Variants in ULK4 observed in about 807,000 individuals in gnomAD.
ULK4 encodes the protein inactive serine/threonine-protein kinase ULK4.
Under a neutral mutation model 160.6 loss-of-function variants are expected in ULK4, and 133 were observed. That is an observed-to-expected ratio of 0.83 (90% CI 0.72 to 0.96). The LOEUF (loss-of-function observed/expected upper bound fraction) is 0.96. Among genes scored for constraint, ULK4 ranks in the 40% least tolerant of loss-of-function variants. The probability of loss-of-function intolerance (pLI) is 0.00; values close to 1 mark genes in which losing one functional copy is unlikely to be tolerated. For missense variants in ULK4, 1,580 were observed against 1,499.5 expected, an observed-to-expected ratio of 1.05 and a Z score of -0.89; for synonymous variants, 534 against 539.8, an observed-to-expected ratio of 0.99 and a Z score of 0.15.
chr3:41,316,892 G>C (rs115286507), intron 35 of ULK4, among the ~76,000 whole-genome samples: 3,322 of 152,126 alleles, frequency 0.022, 84 homozygotes, highest in African/African-American at 0.068. Context: ...TCTTTATTAA[G>C]TAAATGAGTT....
intron 35 of ULK4, among the ~76,000 whole-genome samples, chr3:41,392,731 T>G (rs1201009073): frequency 6.6e-6 from 1 of 152,108 alleles, no homozygotes; most frequent in African/African-American, 2.4e-5. Flanking sequence ...TTAATGAATA[T>G]CCTCTGATTA....
intron 20 of ULK4, among the ~76,000 whole-genome samples, chr3:41,790,525 A>T (rs756602789): frequency 3.2e-4 from 49 of 152,234 alleles, no homozygotes; most frequent in Non-Finnish European, 6.6e-4. Flanking sequence ...AAGGAAGAAA[A>T]AGTCAACAAA....
At chr3:41,662,989 G>A (rs1300577915) in intron 30 of ULK4, among the ~76,000 whole-genome samples, 4 of 152,086 alleles carry the variant, frequency 2.6e-5, no homozygotes, top group African/African-American at 9.7e-5. Flanking sequence ...GGGAGGCCGA[G>A]GTGGGTGGAT....
At chr3:41,836,762 C>A (rs573528909) in intron 17 of ULK4, among the ~76,000 whole-genome samples, 1 of 152,112 alleles carries the variant, frequency 6.6e-6, no homozygotes, top group African/African-American at 2.4e-5. Context: ...ATATAATGTA[C>A]GCTGAAACTC....
chr3:41,504,513 AT>A (rs1345885194), intron 32 of ULK4, among the ~76,000 whole-genome samples: 1 of 152,156 alleles, frequency 6.6e-6, no homozygotes, highest in Non-Finnish European at 1.5e-5. Flanking sequence ...TTTGAATTTC[AT>A]TTTCCATCAA....
intron 27 of ULK4, among the ~76,000 whole-genome samples, chr3:41,701,617 A>G (rs970161001): frequency 1.3e-5 from 2 of 152,228 alleles, no homozygotes; most frequent in Admixed American, 1.3e-4. Flanking sequence ...CAGGAATGAA[A>G]ACTAAAAAAA....
At chr3:41,941,679 C>T (rs922906128) in intron 2 of ULK4, among the ~76,000 whole-genome samples, 1 of 133,964 alleles carries the variant, frequency 7.5e-6, no homozygotes, top group Non-Finnish European at 1.6e-5. Flanking sequence ...ATCCATTGAG[C>T]CCGGGAAGTC....
intron 35 of ULK4, among the ~76,000 whole-genome samples, chr3:41,330,110 C>G (rs1411589286): frequency 6.6e-6 from 1 of 152,176 alleles, no homozygotes; most frequent in Non-Finnish European, 1.5e-5. Context: ...GCTTTCTGCA[C>G]TCAGTGGACT....
chr3:41,540,508 G>C (rs538154464), intron 32 of ULK4, among the ~76,000 whole-genome samples: 1 of 152,324 alleles, frequency 6.6e-6, no homozygotes, highest in East Asian at 1.9e-4. Flanking sequence ...ACGTGTGCAT[G>C]TGTCTTTATA....
intron 34 of ULK4, among the ~76,000 whole-genome samples, chr3:41,431,714 A>C (rs2082914052): frequency 6.6e-6 from 1 of 151,236 alleles, no homozygotes; most frequent in African/African-American, 2.4e-5. Context: ...CCTCATATCG[A>C]ATGTCAAATT....
At chr3:41,446,771 A>C (rs1041447496) in intron 34 of ULK4, among the ~76,000 whole-genome samples, 2 of 151,586 alleles carry the variant, frequency 1.3e-5, no homozygotes, top group African/African-American at 2.4e-5. Flanking sequence ...AGATATACCT[A>C]ATGTTAAATG....
chr3:41,645,214 T>C (rs1340557691), intron 30 of ULK4, among the ~76,000 whole-genome samples: 1 of 152,076 alleles, frequency 6.6e-6, no homozygotes, highest in African/African-American at 2.4e-5. Flanking sequence ...CTGATTTTAG[T>C]TATTTCTTGC....
intron 5 of ULK4, among the ~76,000 whole-genome samples, chr3:41,924,556 T>C (rs987877377): frequency 1.5e-4 from 23 of 152,208 alleles, no homozygotes; most frequent in African/African-American, 5.3e-4. Context: ...TATGCATTTA[T>C]ACTGAAATAT....
intron 30 of ULK4, among the ~76,000 whole-genome samples, chr3:41,652,606 C>T (rs942740535): frequency 2.0e-5 from 3 of 152,100 alleles, no homozygotes; most frequent in African/African-American, 7.2e-5. Flanking sequence ...ACTCAAACTA[C>T]GAATCAAATA....
intron 35 of ULK4, among the ~76,000 whole-genome samples, chr3:41,261,311 T>C (rs963848584): frequency 1.3e-5 from 2 of 152,148 alleles, no homozygotes; most frequent in African/African-American, 2.4e-5. Flanking sequence ...TTTTGACAAC[T>C]TGAAAAACAA....
chr3:41,798,528 G>A (rs893189237), intron 20 of ULK4, among the ~76,000 whole-genome samples: 2 of 151,894 alleles, frequency 1.3e-5, no homozygotes, highest in African/African-American at 4.8e-5. Context: ...GATTATATAG[G>A]TAACATAACT....
intron 30 of ULK4, among the ~76,000 whole-genome samples, chr3:41,618,215 G>A (rs1302729914): frequency 1.3e-5 from 2 of 152,180 alleles, no homozygotes; most frequent in African/African-American, 2.4e-5. Flanking sequence ...ATATTATCCA[G>A]GAGAACTTCC....
intron 19 of ULK4, among the ~76,000 whole-genome samples, chr3:41,814,104 G>C (rs780357686): frequency 9.2e-5 from 14 of 152,222 alleles, no homozygotes; most frequent in Non-Finnish European, 1.9e-4. Context: ...CTGTCCTCCT[G>C]TGGCAGGTCT....
intron 27 of ULK4, among the ~76,000 whole-genome samples, chr3:41,691,746 A>G (rs887491650): frequency 6.6e-6 from 1 of 151,884 alleles, no homozygotes; most frequent in Non-Finnish European, 1.5e-5. Flanking sequence ...TACTACACTT[A>G]TTGATTAATC....
Sources: gnomAD v4.1 joint callset for allele counts (sites outside exome capture counted in the v4.1 genomes callset) on GRCh38, gnomAD v4.1.1 for gene constraint, MANE v1.5 for transcripts, NCBI Gene and HGNC (gene_info 2026-07-23, HGNC 2026-07-21) for gene names.